Variants in DEAF1 observed in about 807,000 individuals in gnomAD.
DEAF1 encodes the protein DEAF1 transcription factor, also known as deformed epidermal autoregulatory factor 1 homolog.
A neutral mutation model predicts 58.9 loss-of-function variants in DEAF1; 53 were observed. The observed-to-expected ratio is 0.90, with a 90% CI of 0.72 to 1.13. The LOEUF is 1.13. DEAF1 is among the 50% of genes most tolerant of loss of function. The pLI, the probability that DEAF1 is intolerant of heterozygous loss-of-function variation, is 0.00. For synonymous variants in DEAF1, 385 were observed against 340.4 expected (o/e 1.13, Z -1.44); for missense variants, 685 against 791.4 (o/e 0.87, Z 1.61).
intron 1 of DEAF1, chr11:706,237 A>G (rs1268447289): frequency 1.3e-5 from 2 of 151,892 alleles, no homozygotes; most frequent in African/African-American, 2.4e-5. Flanking sequence ...GAACAGACGG[A>G]CGCACCGGCG....
At chr11:694,221 G>C (rs190695575) in intron 1 of DEAF1, among the ~76,000 whole-genome samples, 102 of 145,600 alleles carry the variant, frequency 7.0e-4, no homozygotes, top group African/African-American at 2.9e-3. Context: ...CAAAGAAAAG[G>C]GGGGCAGGGG....
At chr11:675,635 C>T (rs1455516544) in intron 9 of DEAF1, among the ~76,000 whole-genome samples, 2 of 152,138 alleles carry the variant, frequency 1.3e-5, no homozygotes, top group African/African-American at 4.8e-5. Flanking sequence ...CTAGCCTGGT[C>T]AACATGGTGA....
At chr11:696,634 C>T (rs542601033), upstream of DEAF1, among the ~76,000 whole-genome samples, 21 of 37,326 alleles carry the variant, frequency 5.6e-4, no homozygotes, top group Non-Finnish European at 1.1e-3. Flanking sequence ...CAGGCGGTGG[C>T]GCACCCCTGT....
At chr11:672,021 C>A (rs1859850721) in intron 10 of DEAF1, among the ~76,000 whole-genome samples, 1 of 152,120 alleles carries the variant, frequency 6.6e-6, no homozygotes, top group Non-Finnish European at 1.5e-5. Context: ...ACTGTCATTA[C>A]CTCAATAGTC....
chr11:661,827 C>G lies in DEAF1; in HGVS notation c.1504-7776G>C, dbSNP rs765550066. On this transcript the variant is annotated intron_variant, in intron 10 of 11. Coordinates refer to ENST00000382409, the MANE Select transcript of DEAF1 (RefSeq NM_021008.4). ...TGAGCAAGGCTTCCTCATTCCCACA[C>G]GTGGACCTTTCCATTCAGAGACAGC... is the stretch of plus-strand genomic sequence containing the variant. 2.0e-5 allele frequency among the ~76,000 whole-genome samples: 3 copies of G among 152,216 alleles called. No individual in the cohort carries two copies. In the East Asian group the frequency reaches 5.8e-4, roughly 29 times the overall value.
chr11:703,454 G>A (rs1213338117), intron 1 of DEAF1: 22 of 1,275,600 alleles, frequency 1.7e-5, no homozygotes, highest in East Asian at 3.1e-5. Flanking sequence ...TAGCAGCCAG[G>A]CCTCCACAGA....
At chr11:698,310 G>T (rs574222774), upstream of DEAF1, among the ~76,000 whole-genome samples, 5 of 152,276 alleles carry the variant, frequency 3.3e-5, no homozygotes, top group East Asian at 9.6e-4. Context: ...CTCAGGTGGG[G>T]GTGGGAGAAG....
chr11:702,923 T>TC (rs5789195), intron 1 of DEAF1: 692,142 of 1,580,038 alleles, frequency 0.44, 156,799 homozygotes, highest in South Asian at 0.49. Context: ...CCACCTTCCC[T>TC]CCCCTTTGCT....
intron 1 of DEAF1, chr11:704,673 G>A (rs1433842644): frequency 6.2e-6 from 8 of 1,284,830 alleles, no homozygotes; most frequent in Admixed American, 2.3e-5. Flanking sequence ...CAGTCTCAGC[G>A]AGCACACAAA....
At chr11:673,410 C>A (rs565923532) in intron 10 of DEAF1, among the ~76,000 whole-genome samples, 1 of 152,142 alleles carries the variant, frequency 6.6e-6, no homozygotes, top group Non-Finnish European at 1.5e-5. Flanking sequence ...TGCCTGTAGT[C>A]CCAGCTACTT....
chr11:672,313 T>C (rs369103427), intron 10 of DEAF1, among the ~76,000 whole-genome samples: 1 of 152,016 alleles, frequency 6.6e-6, no homozygotes, highest in East Asian at 1.9e-4. Flanking sequence ...GAATACGACC[T>C]GGGTTGAGAA....
chr11:680,211 C>T (rs977284721), intron 7 of DEAF1: 2 of 299,700 alleles, frequency 6.7e-6, no homozygotes, highest in Admixed American at 4.8e-5. Context: ...TGCCCTGTGT[C>T]CCACAGCAAG....
At chr11:657,639 TG>T (rs1296720339) in intron 10 of DEAF1, among the ~76,000 whole-genome samples, 1 of 152,196 alleles carries the variant, frequency 6.6e-6, no homozygotes, top group Non-Finnish European at 1.5e-5. Context: ...CACCTGACTC[TG>T]GTGAGGAAGG....
chr11:665,879 C>T (rs1045949712), intron 10 of DEAF1: 3 of 152,352 alleles, frequency 2.0e-5, no homozygotes, highest in Non-Finnish European at 4.4e-5. Flanking sequence ...AGGGGAGAAA[C>T]CCTAGAAAGG....
At chr11:696,610 C>T (rs577828968), upstream of DEAF1, among the ~76,000 whole-genome samples, 3 of 145,408 alleles carry the variant, frequency 2.1e-5, no homozygotes, top group African/African-American at 7.6e-5. Flanking sequence ...AAAAAAAAAA[C>T]TGTAAACATC....
chr11:653,708 C>CA (rs1224947188), intron 11 of DEAF1, among the ~76,000 whole-genome samples: 1 of 152,152 alleles, frequency 6.6e-6, no homozygotes, highest in Non-Finnish European at 1.5e-5. Context: ...GGCTGGGAAG[C>CA]ACTGACCAGC....
intron 6 of DEAF1, 89 bp from the exon 7 acceptor site, chr11:681,178 GGT>G (rs918930595): frequency 1.3e-6 from 2 of 1,573,266 alleles, no homozygotes; most frequent in Middle Eastern, 2.3e-4. Flanking sequence ...GGCACCGCGG[GGT>G]GTGTGAGTCA....
At chr11:648,212 T>TTTGG (rs1858588907) in intron 11 of DEAF1, among the ~76,000 whole-genome samples, 1 of 151,190 alleles carries the variant, frequency 6.6e-6, no homozygotes, top group Non-Finnish European at 1.5e-5. Flanking sequence ...TTTTTTTTTT[T>TTTGG]GAGACGGAGT....
At chr11:699,014 G>A, upstream of DEAF1, 2 of 1,156,008 alleles carry the variant, frequency 1.7e-6, no homozygotes, top group Non-Finnish European at 2.6e-6. Flanking sequence ...GGAGAGGGGG[G>A]TGTTCCTTGA....
Sources: gnomAD v4.1 joint callset for allele counts (sites outside exome capture counted in the v4.1 genomes callset) on GRCh38, gnomAD v4.1.1 for gene constraint, MANE v1.5 for transcripts, NCBI Gene and HGNC (gene_info 2026-07-23, HGNC 2026-07-21) for gene names.